Variants in CDKAL1 observed in about 807,000 individuals in gnomAD.
The protein encoded by CDKAL1 is threonylcarbamoyladenosine tRNA methylthiotransferase.
CDKAL1 carries 32 observed loss-of-function variants against 68.2 expected under a neutral mutation model. The ratio of observed to expected loss-of-function variants is 0.47; its 90% CI spans 0.35 to 0.63. The LOEUF is 0.63. CDKAL1 is among the 30% of genes least tolerant of loss of function. The pLI is 0.00. For missense variants in CDKAL1, 606 were observed against 696.7 expected (o/e 0.87, Z 1.47); for synonymous variants, 234 against 244.3 (o/e 0.96, Z 0.39).
chr6:20,767,793 T>G (rs2150359109), intron 7 of CDKAL1, among the ~76,000 whole-genome samples: 1 of 152,322 alleles, frequency 6.6e-6, no homozygotes. Context: ...CTTTTAGAAG[T>G]TCATTCTGTA....
intron 10 of CDKAL1, among the ~76,000 whole-genome samples, chr6:20,987,005 C>A (rs1766498130): frequency 6.6e-6 from 1 of 152,118 alleles, no homozygotes; most frequent in Non-Finnish European, 1.5e-5. Context: ...AGTATTTTGA[C>A]CTTTCCCATG....
intron 15 of CDKAL1, among the ~76,000 whole-genome samples, chr6:21,222,728 G>A (rs1779581859): frequency 1.3e-5 from 2 of 152,112 alleles, no homozygotes; most frequent in South Asian, 4.1e-4. Context: ...ATTCAAGGAA[G>A]GGAGCTGGCA....
At chr6:20,806,762 T>C (rs868338324) in intron 8 of CDKAL1, among the ~76,000 whole-genome samples, 12 of 152,188 alleles carry the variant, frequency 7.9e-5, no homozygotes, top group Admixed American at 3.3e-4. Flanking sequence ...ATGATGAGTT[T>C]GAAGTGAATG....
rs1213936327 is a variant in CDKAL1 at position 20,534,473 on chromosome 6, A to T, written c.-151A>T. 1 of 152,612 alleles carries T rather than the reference A, an allele frequency of 6.6e-6. No individual in the cohort carries two copies. Among genetic ancestry groups the T allele is most frequent in the East Asian group, 1.9e-4 (1 of 5,334 alleles). 9.5% of individuals were successfully genotyped at this position (152,612 alleles called of 1,614,324 possible). A position where few individuals can be genotyped will look rare whatever the true frequency, so the allele number is the denominator to read the frequency against. ...AGCATGCGCAAATAAACGTGGCGGG[A>T]CGTATGTGTCATGGCGCTCTCCATC... On this transcript the variant is annotated 5_prime_UTR_variant, in exon 1 of 16. Coordinates refer to ENST00000274695, the MANE Select transcript of CDKAL1 (RefSeq NM_017774.3).
intron 7 of CDKAL1, 61 bp from the exon 8 acceptor site, chr6:20,781,084 C>A: frequency 6.5e-7 from 1 of 1,528,872 alleles, no homozygotes; most frequent in Non-Finnish European, 8.9e-7. Flanking sequence ...TTGTTGAAAG[C>A]GTTAAGTTAC....
chr6:20,541,995 T>A (rs528925749), intron 2 of CDKAL1, among the ~76,000 whole-genome samples: 8 of 152,262 alleles, frequency 5.3e-5, no homozygotes, highest in Non-Finnish European at 5.9e-5. Flanking sequence ...GGTACGTATG[T>A]TAACTATAAT....
At chr6:20,542,866 C>T (rs938584964) in intron 2 of CDKAL1, among the ~76,000 whole-genome samples, 10 of 152,178 alleles carry the variant, frequency 6.6e-5, no homozygotes, top group Non-Finnish European at 1.2e-4. Flanking sequence ...TTCTGTTCTC[C>T]ATTTCCATAA....
intron 5 of CDKAL1, among the ~76,000 whole-genome samples, chr6:20,712,335 A>G (rs1771884341): frequency 6.6e-6 from 1 of 152,146 alleles, no homozygotes; most frequent in Admixed American, 6.5e-5. Context: ...CTTAGTTATC[A>G]CCTAAGGGAT....
chr6:21,197,743 T>C (rs548696551), intron 13 of CDKAL1, among the ~76,000 whole-genome samples: 8 of 152,362 alleles, frequency 5.3e-5, no homozygotes, highest in Admixed American at 4.6e-4. Context: ...ATCTTACTTA[T>C]GTTGAAGGAG....
chr6:21,229,546 G>C (rs1386984524), intron 15 of CDKAL1, among the ~76,000 whole-genome samples: 4 of 152,188 alleles, frequency 2.6e-5, no homozygotes, highest in African/African-American at 9.7e-5. Flanking sequence ...CCAGGAGGTT[G>C]CTAGAGCGCT....
intron 4 of CDKAL1, among the ~76,000 whole-genome samples, chr6:20,579,633 A>G (rs1483857310): frequency 3.3e-5 from 5 of 152,196 alleles, no homozygotes; most frequent in Admixed American, 2.0e-4. Flanking sequence ...GAACTGGACC[A>G]GAGTCACATA....
intron 5 of CDKAL1, among the ~76,000 whole-genome samples, chr6:20,711,775 GA>G (rs1771858168): frequency 6.6e-6 from 1 of 152,172 alleles, no homozygotes; most frequent in African/African-American, 2.4e-5. Context: ...ATCTTCGTTT[GA>G]GTGGTGATAT....
At chr6:20,815,222 A>AT (rs751943351) in intron 8 of CDKAL1, among the ~76,000 whole-genome samples, 87 of 152,294 alleles carry the variant, frequency 5.7e-4, no homozygotes, top group Non-Finnish European at 1.1e-3. Context: ...CTTTTAAAAA[A>AT]TTTTTTGTCA....
rs993443745 is a variant in CDKAL1, at chr6:20,732,963, T to G, written c.372-6556T>G. Among the ~76,000 whole-genome samples, 3 of 152,310 alleles carry G rather than the reference T, an allele frequency of 2.0e-5. No homozygotes were observed. In the South Asian group the frequency reaches 6.2e-4, roughly 32 times the overall value. ...AAATAAAGCTACAAAACATTTAAAC[T>G]AATCTTTCACAGACCCTTGTTGCCC... is the stretch of plus-strand genomic sequence containing the variant. On this transcript the variant is annotated intron_variant, in intron 5 of 15. Transcript: ENST00000274695.
At chr6:20,578,665 T>C (rs558652134) in intron 4 of CDKAL1, among the ~76,000 whole-genome samples, 1 of 152,334 alleles carries the variant, frequency 6.6e-6, no homozygotes, top group Admixed American at 6.5e-5. Context: ...GCTCAGTGCT[T>C]TACACACATT....
chr6:21,115,825 G>A (rs1774377150), intron 13 of CDKAL1, among the ~76,000 whole-genome samples: 2 of 152,146 alleles, frequency 1.3e-5, no homozygotes, highest in Non-Finnish European at 2.9e-5. Flanking sequence ...CTTGAAATAA[G>A]GACATACTGA....
chr6:21,053,282 G>T lies in CDKAL1; in HGVS notation c.1056-11766G>T, dbSNP rs528213828. 3.9e-5 allele frequency among the ~76,000 whole-genome samples: 6 copies of T among 152,284 alleles called. 1 individual carries two copies. The South Asian group carries it at 1.0e-3, about 26-fold the overall frequency. ...AAGAATGTTTTTCAGATTGGTTCAT[G>T]TTGGTGCATATATCAGTAGTTGGCT... On this transcript the variant is annotated intron_variant, in intron 11 of 15. Transcript: ENST00000274695.
intron 9 of CDKAL1, among the ~76,000 whole-genome samples, chr6:20,948,714 A>G (rs910099966): frequency 1.3e-5 from 2 of 152,208 alleles, no homozygotes; most frequent in East Asian, 1.9e-4. Flanking sequence ...GGACCTGTTC[A>G]TAGACACTGC....
At chr6:21,076,460 C>CT (rs1361562935) in intron 12 of CDKAL1, among the ~76,000 whole-genome samples, 1 of 152,038 alleles carries the variant, frequency 6.6e-6, no homozygotes, top group Admixed American at 6.6e-5. Context: ...GCCTTTAAAC[C>CT]TTTTTGTTTC....
Sources: allele counts gnomAD v4.1 joint callset (sites outside exome capture counted in the v4.1 genomes callset), GRCh38; gene constraint gnomAD v4.1.1; transcripts MANE v1.5; gene names NCBI Gene and HGNC (gene_info 2026-07-23, HGNC 2026-07-21).